The following KDM4C variants were observed in gnomAD, a reference collection of about 807,000 sequenced individuals.
KDM4C encodes the protein lysine-specific demethylase 4C.
A neutral mutation model predicts 129.3 loss-of-function variants in KDM4C; 81 were observed. That is an observed-to-expected ratio of 0.63 (90% CI 0.52 to 0.75). The LOEUF is 0.75. KDM4C is among the 30% of genes least tolerant of loss of function. The probability of loss-of-function intolerance (pLI) is 0.00; values close to 1 mark genes in which losing one functional copy is unlikely to be tolerated. For missense variants in KDM4C, 1,457 were observed against 1,304.0 expected (o/e 1.12, Z -1.81); for synonymous variants, 573 against 456.1 (o/e 1.26, Z -3.26).
intron 17 of KDM4C, among the ~76,000 whole-genome samples, chr9:7,052,890 A>AGAGAGAGAGAGAGAGAGAGAGAGC (rs1564049548): frequency 5.5e-5 from 2 of 36,696 alleles, no homozygotes; most frequent in Admixed American, 3.2e-4. Context: ...AGAGAGAGAG[A>AGAGAGAGAGAGAGAGAGAGAGAGC]GAGAGAGAGA....
intron 8 of KDM4C, among the ~76,000 whole-genome samples, chr9:6,962,376 C>A (rs1830182399): frequency 6.6e-6 from 1 of 152,134 alleles, no homozygotes; most frequent in South Asian, 2.1e-4. Context: ...CGCAAACTGA[C>A]CTTTGGACAG....
chr9:7,104,967 T>G (rs1346390718), intron 18 of KDM4C, among the ~76,000 whole-genome samples: 1 of 145,080 alleles, frequency 6.9e-6, no homozygotes, highest in Non-Finnish European at 1.5e-5. Context: ...TGCTTAAATG[T>G]ACAAAATGAT....
At chr9:7,006,102 GT>G (rs1821619524) in intron 12 of KDM4C, among the ~76,000 whole-genome samples, 1 of 152,162 alleles carries the variant, frequency 6.6e-6, no homozygotes, top group Non-Finnish European at 1.5e-5. Context: ...TGTTTACACC[GT>G]TGCTAACAAC....
intron 8 of KDM4C, among the ~76,000 whole-genome samples, chr9:6,947,203 T>A (rs1389003655): frequency 6.6e-6 from 1 of 152,196 alleles, no homozygotes; most frequent in Non-Finnish European, 1.5e-5. Flanking sequence ...TCTACAACCG[T>A]ACTTCTGTTC....
At chr9:6,812,951 G>A (rs1013166386) in intron 3 of KDM4C, among the ~76,000 whole-genome samples, 5 of 152,164 alleles carry the variant, frequency 3.3e-5, no homozygotes, top group Non-Finnish European at 4.4e-5. Flanking sequence ...CGATGCAGGC[G>A]GATCACCTGA....
At chr9:6,959,749 A>T (rs935748681) in intron 8 of KDM4C, among the ~76,000 whole-genome samples, 1 of 152,204 alleles carries the variant, frequency 6.6e-6, no homozygotes, top group African/African-American at 2.4e-5. Context: ...ATGACTACTC[A>T]TAAGTTGTTT....
chr9:7,086,787 G>A (rs1238437552), intron 17 of KDM4C, among the ~76,000 whole-genome samples: 1 of 152,178 alleles, frequency 6.6e-6, no homozygotes, highest in African/African-American at 2.4e-5. Context: ...ACAGTTACAA[G>A]GACAGTTCTT....
intron 17 of KDM4C, among the ~76,000 whole-genome samples, chr9:7,100,798 G>A (rs1160671068): frequency 6.7e-6 from 1 of 150,060 alleles, no homozygotes; most frequent in Non-Finnish European, 1.5e-5. Flanking sequence ...TTTTATTGTG[G>A]ATACTTGGTT....
At chr9:7,015,435 C>G (rs1440873448) in intron 14 of KDM4C, among the ~76,000 whole-genome samples, 1 of 152,096 alleles carries the variant, frequency 6.6e-6, no homozygotes, top group African/African-American at 2.4e-5. Flanking sequence ...GAATTTGCAG[C>G]ATTTGCCCTA....
At chr9:7,116,414 G>GAGGTTATGTGGACCACCTA (rs142254021) in intron 18 of KDM4C, among the ~76,000 whole-genome samples, 67,782 of 151,508 alleles carry the variant, frequency 0.45, 15,482 homozygotes, top group East Asian at 0.74. Context: ...AACTTTAATT[G>GAGGTTATGTGGACCACCTA]AGGTTATATG....
At chr9:7,057,397 A>G (rs1476131821) in intron 17 of KDM4C, among the ~76,000 whole-genome samples, 1 of 152,226 alleles carries the variant, frequency 6.6e-6, no homozygotes. Flanking sequence ...GCTTTAGATC[A>G]CATAATTATA....
In KDM4C at chr9:7,157,975, C is replaced by T. The variant is rs187626548; in HGVS notation, c.2782-7263C>T. Among the ~76,000 whole-genome samples, 768 of 152,266 alleles carry T rather than the reference C, an allele frequency of 5.0e-3. 4 individuals carry two copies. The highest frequency in any genetic ancestry group is 9.2e-3 in the Non-Finnish European group (627 of 68,018). ...CTCTGATAGAATTCGGCTGTGAATC[C>T]GTCTGGTCCTGGACTTTTTTTGGTT... On this transcript the variant is annotated intron_variant, in intron 19 of 21. Coordinates refer to ENST00000381309, the MANE Select transcript of KDM4C (RefSeq NM_015061.6).
At chr9:7,079,943 A>T (rs1035360995) in intron 17 of KDM4C, among the ~76,000 whole-genome samples, 2 of 152,152 alleles carry the variant, frequency 1.3e-5, no homozygotes, top group African/African-American at 4.8e-5. Flanking sequence ...TTTACAGAAT[A>T]AATGCATCAC....
intron 19 of KDM4C, among the ~76,000 whole-genome samples, chr9:7,158,033 G>A (rs1455456655): frequency 3.9e-5 from 6 of 152,240 alleles, no homozygotes; most frequent in South Asian, 4.1e-4. Context: ...CAATTTCAGA[G>A]CCTGTTATTG....
chr9:6,850,880 G>A (rs1233213783), intron 5 of KDM4C, among the ~76,000 whole-genome samples: 1 of 151,876 alleles, frequency 6.6e-6, no homozygotes. Flanking sequence ...TCAGCCTCCC[G>A]AGTAGCTGGG....
intron 4 of KDM4C, among the ~76,000 whole-genome samples, chr9:6,820,211 A>G (rs1394740816): frequency 6.6e-6 from 1 of 152,176 alleles, no homozygotes. Flanking sequence ...CCTGCATTCA[A>G]GTAAGACTTT....
chr9:7,067,354 C>G (rs986053549), intron 17 of KDM4C, among the ~76,000 whole-genome samples: 1 of 152,232 alleles, frequency 6.6e-6, no homozygotes, highest in African/African-American at 2.4e-5. Flanking sequence ...GTTTTTGTAA[C>G]TTCAGCTTGC....
intron 8 of KDM4C, among the ~76,000 whole-genome samples, chr9:6,938,376 G>T (rs1298687107): frequency 2.0e-5 from 3 of 152,096 alleles, no homozygotes; most frequent in Non-Finnish European, 4.4e-5. Context: ...TTTTTAGGAG[G>T]ATGAAAAGAA....
rs981480351 is a variant in KDM4C at position 6,859,878 on chromosome 9, A to G, written c.629+10178A>G. ...AGACTCCGTCTCAAAAAAAAAAAAAAAAAGACTCAGAATTATTTAGAGTCT... is the reference window on the plus strand; with the variant it reads ...AGACTCCGTCTCAAAAAAAAAAAAAGAAAGACTCAGAATTATTTAGAGTCT... On this transcript the variant is annotated intron_variant, in intron 5 of 21. Coordinates refer to ENST00000381309, the MANE Select transcript of KDM4C (RefSeq NM_015061.6). 7.5e-4 allele frequency among the ~76,000 whole-genome samples: 114 copies of G among 152,238 alleles called. 2 individuals are homozygous for G. The highest frequency in any genetic ancestry group is 4.1e-3 in the Admixed American group (63 of 15,280).
Sources: allele counts gnomAD v4.1 joint callset (sites outside exome capture counted in the v4.1 genomes callset), GRCh38; gene constraint gnomAD v4.1.1; transcripts MANE v1.5; gene names NCBI Gene and HGNC (gene_info 2026-07-23, HGNC 2026-07-21).